The following ZCWPW1 variants were observed in gnomAD, a reference collection of about 807,000 sequenced individuals.
ZCWPW1 encodes the protein zinc finger CW-type and PWWP domain containing 1.
In ZCWPW1, 56 loss-of-function variants were observed where a neutral mutation model predicts 81.3. The ratio of observed to expected loss-of-function variants is 0.69; its 90% CI spans 0.56 to 0.86. The LOEUF (loss-of-function observed/expected upper bound fraction) is 0.86, where lower values mean the gene tolerates loss of function less well. Ranked by LOEUF, ZCWPW1 falls within the 40% of genes least tolerant of loss-of-function variation. The pLI, the probability that ZCWPW1 is intolerant of heterozygous loss-of-function variation, is 0.00. For missense variants in ZCWPW1, 650 were observed against 769.8 expected (o/e 0.84, Z 1.84); for synonymous variants, 250 against 273.7 (o/e 0.91, Z 0.86).
chr7:100,401,880 G>A lies in ZCWPW1; in HGVS notation c.1627+9C>T, dbSNP rs1198140161. 5 of 1,606,788 alleles carry A rather than the reference G, an allele frequency of 3.1e-6. No homozygotes were observed. The highest frequency in any genetic ancestry group is 4.3e-6 in the Non-Finnish European group (5 of 1,175,944). ...TTCCCCTTAGTTTTTCCCAGGCCTT[G>A]AGCCTTACCTGGCTGGTCAGAATCT... On this transcript the variant is annotated intron_variant, in intron 17 of 17. Coordinates refer to ENST00000684423, the MANE Select transcript of ZCWPW1 (RefSeq NM_001386010.1).
At chr7:100,416,273 C>T in intron 7 of ZCWPW1, 32 bp downstream of exon 7, 1 of 1,607,412 alleles carries the variant, frequency 6.2e-7, no homozygotes, top group Non-Finnish European at 8.5e-7. Flanking sequence ...AGTACTTGAG[C>T]CAGGCTTCAA....
At chr7:100,407,003 AT>A (rs1351160611) in intron 11 of ZCWPW1, among the ~76,000 whole-genome samples, 2 of 152,214 alleles carry the variant, frequency 1.3e-5, no homozygotes, top group Non-Finnish European at 2.9e-5. Context: ...AAGCGTATTT[AT>A]CAAAACCACT....
chr7:100,418,474 G>T (rs1795760098), intron 5 of ZCWPW1, among the ~76,000 whole-genome samples: 1 of 152,070 alleles, frequency 6.6e-6, no homozygotes, highest in Non-Finnish European at 1.5e-5. Flanking sequence ...AACATAGCAA[G>T]ACCTCATCTC....
chr7:100,419,538 T>G, intron 4 of ZCWPW1, 92 bp downstream of exon 4: 2 of 1,509,804 alleles, frequency 1.3e-6, no homozygotes, highest in South Asian at 2.8e-5. Context: ...AGGGTGAATT[T>G]CCCCAGTGTG....
At chr7:100,419,257 G>A (rs575454294) in intron 4 of ZCWPW1, 68 bp from the exon 5 acceptor site, 1 of 1,390,804 alleles carries the variant, frequency 7.2e-7, no homozygotes, top group African/African-American at 1.4e-5. Context: ...GAACAGTCAG[G>A]GAAGCCTCCT....
intron 8 of ZCWPW1, among the ~76,000 whole-genome samples, chr7:100,412,711 A>G (rs1794437227): frequency 6.6e-6 from 1 of 151,796 alleles, no homozygotes; most frequent in Admixed American, 6.6e-5. Context: ...CCTCCCGAAT[A>G]GCTGGGACTA....
chr7:100,408,772 C>A, intron 9 of ZCWPW1, 113 bp from the exon 10 acceptor site: 3 of 1,271,332 alleles, frequency 2.4e-6, no homozygotes, highest in Non-Finnish European at 3.2e-6. Flanking sequence ...CAGGTGGGAC[C>A]AAAGGGGCAC....
chr7:100,423,704 G>A (rs1796767026), intron 2 of ZCWPW1, among the ~76,000 whole-genome samples: 1 of 152,108 alleles, frequency 6.6e-6, no homozygotes, highest in African/African-American at 2.4e-5. Context: ...AAAAAGGCAA[G>A]TTGGAATTTT....
Position 100,401,846 on chromosome 7 carries a change from G to A in ZCWPW1, c.1627+43C>T, listed in dbSNP as rs547121547. On this transcript the variant is annotated intron_variant, in intron 17 of 17. Coordinates refer to ENST00000684423, the MANE Select transcript of ZCWPW1 (RefSeq NM_001386010.1). ...GATTCAGGGAGGGGAGATGCTGACA[G>A]GCACCTCATTCCCCTTAGTTTTTCC... 1.3e-5 allele frequency: 20 copies of A among 1,555,246 alleles called. No homozygotes were observed. In the African/African-American group the frequency reaches 2.2e-4, roughly 17 times the overall value.
intron 8 of ZCWPW1, among the ~76,000 whole-genome samples, chr7:100,410,053 A>C (rs1456889716): frequency 6.6e-6 from 1 of 152,178 alleles, no homozygotes; most frequent in Non-Finnish European, 1.5e-5. Flanking sequence ...ACAGTGTCTG[A>C]GTTCACTCTT....
chr7:100,410,409 T>C (rs1331953419), intron 8 of ZCWPW1, among the ~76,000 whole-genome samples: 1 of 152,180 alleles, frequency 6.6e-6, no homozygotes, highest in Non-Finnish European at 1.5e-5. Context: ...CCCATGTCTC[T>C]TGGGACAGAA....
At chr7:100,403,664 A>G in intron 15 of ZCWPW1, 30 bp downstream of exon 15, 2 of 1,566,320 alleles carry the variant, frequency 1.3e-6, no homozygotes, top group Non-Finnish European at 1.7e-6. Context: ...TCTCTATAAA[A>G]ATAAAAACTG....
rs1308171517 is a variant in ZCWPW1 at position 100,427,319 on chromosome 7, CAAGA to C, written c.-137+1245_-137+1248del. On this transcript the variant is annotated intron_variant, in intron 1 of 17. Coordinates refer to ENST00000684423, the MANE Select transcript of ZCWPW1 (RefSeq NM_001386010.1). ...AGCAAGCCCGATTTAAAACTTTTAA[CAAGA>C]AAGAAGAGGCGGGTGGATCACCTTA... Among the ~76,000 whole-genome samples, 5 of 147,342 alleles carry C rather than the reference CAAGA, an allele frequency of 3.4e-5. No individual in the cohort carries two copies. In the East Asian group the frequency reaches 6.1e-4, roughly 18 times the overall value.
At chr7:100,412,833 G>A (rs545094678) in intron 8 of ZCWPW1, among the ~76,000 whole-genome samples, 6 of 152,116 alleles carry the variant, frequency 3.9e-5, no homozygotes, top group Middle Eastern at 3.4e-3. Context: ...CACCCGCCTC[G>A]GCCTCCCAAA....
intron 11 of ZCWPW1, 135 bp from the exon 12 acceptor site, chr7:100,406,933 C>T: frequency 1.3e-6 from 1 of 747,924 alleles, no homozygotes; most frequent in Non-Finnish European, 2.2e-6. Flanking sequence ...CAAAGCCTGA[C>T]TCATCTACCC....
At chr7:100,403,184 TGAAAG>T (rs1792277922) in intron 15 of ZCWPW1, among the ~76,000 whole-genome samples, 1 of 151,672 alleles carries the variant, frequency 6.6e-6, no homozygotes, top group Non-Finnish European at 1.5e-5. Context: ...AGAAAGCTCC[TGAAAG>T]GAAACCCCAA....
intron 2 of ZCWPW1, among the ~76,000 whole-genome samples, chr7:100,421,517 T>A (rs549978972): frequency 6.6e-6 from 1 of 152,354 alleles, no homozygotes; most frequent in South Asian, 2.1e-4. Flanking sequence ...TACTAGATTC[T>A]ACCAATCTCT....
intron 7 of ZCWPW1, 23 bp downstream of exon 7, chr7:100,416,282 A>G (rs1795196504): frequency 6.2e-7 from 1 of 1,609,916 alleles, no homozygotes; most frequent in Middle Eastern, 1.7e-4. Context: ...GCCAGGCTTC[A>G]AAGTATATCT....
At chr7:100,421,783 C>G (rs577671993) in intron 2 of ZCWPW1, among the ~76,000 whole-genome samples, 148 of 151,566 alleles carry the variant, frequency 9.8e-4, no homozygotes, top group Non-Finnish European at 9.3e-4. Context: ...ACCTCCGCCT[C>G]CCGGGTTCAA....
Sources: allele counts gnomAD v4.1 joint callset (sites outside exome capture counted in the v4.1 genomes callset), GRCh38; gene constraint gnomAD v4.1.1; transcripts MANE v1.5; gene names NCBI Gene and HGNC (gene_info 2026-07-23, HGNC 2026-07-21).